The following LCORL variants were observed in gnomAD, a reference collection of about 807,000 sequenced individuals.
LCORL encodes ligand dependent nuclear receptor corepressor like, also known as ligand-dependent nuclear receptor corepressor-like protein.
LCORL carries 41 observed loss-of-function variants against 141.8 expected under a neutral mutation model. The ratio of observed to expected loss-of-function variants is 0.29; its 90% confidence interval spans 0.23 to 0.38. LCORL has a LOEUF of 0.38. Ranked by LOEUF, LCORL falls within the 10% of genes least tolerant of loss-of-function variation. The pLI is 1.00. For missense variants in LCORL, 1,759 were observed against 2,035.0 expected (o/e 0.86, Z 2.61); for synonymous variants, 618 against 694.1 (o/e 0.89, Z 1.72).
chr4:17,964,777 T>C (rs777105985), intron 2 of LCORL, among the ~76,000 whole-genome samples: 21 of 152,152 alleles, frequency 1.4e-4, no homozygotes, highest in South Asian at 2.1e-4. Flanking sequence ...GCAAAAGATT[T>C]TGGAGTTGTT....
intron 5 of LCORL, among the ~76,000 whole-genome samples, chr4:17,886,557 T>C (rs866200600): frequency 2.6e-5 from 4 of 152,020 alleles, no homozygotes; most frequent in African/African-American, 7.2e-5. Flanking sequence ...ATGGAGAGAA[T>C]AGAAAATGTG....
chr4:18,017,849 A>G (rs144345370), intron 1 of LCORL, among the ~76,000 whole-genome samples: 3 of 152,274 alleles, frequency 2.0e-5, no homozygotes, highest in East Asian at 1.9e-4. Flanking sequence ...TGGTTTTAAT[A>G]ACCTCACTGT....
intron 4 of LCORL, among the ~76,000 whole-genome samples, chr4:17,949,738 T>A (rs1739431242): frequency 6.6e-6 from 1 of 152,130 alleles, no homozygotes; most frequent in African/African-American, 2.4e-5. Context: ...TAACAAACAA[T>A]CACACTGTAT....
exon 7 of LCORL, chr4:17,874,817 T>C: frequency 1.6e-6 from 2 of 1,233,788 alleles, no homozygotes; most frequent in Non-Finnish European, 2.0e-6. Context: ...TCCGCGAAAG[T>C]CTGTTTCTTG....
intron 4 of LCORL, among the ~76,000 whole-genome samples, chr4:17,958,479 T>C (rs1300589494): frequency 6.6e-6 from 1 of 151,914 alleles, no homozygotes; most frequent in African/African-American, 2.4e-5. Flanking sequence ...TTCAGGTGAT[T>C]AGAGAATCTG....
chr4:17,878,424 A>C lies in LCORL; in HGVS notation c.777-211T>G, dbSNP rs567103758. 2.0e-5 allele frequency among the ~76,000 whole-genome samples: 3 copies of C among 151,654 alleles called. No individual in the cohort carries two copies. The East Asian group carries it at 5.8e-4, about 29-fold the overall frequency. On this transcript the variant is annotated intron_variant, in intron 6 of 7. Coordinates refer to ENST00000635767, the Ensembl canonical transcript of LCORL. ...CTATGACAAAGTATAAGTCAAAGCA[A>C]AGCCCTATTTTTGCAATATAAAAGC...
At chr4:17,938,410 T>A (rs1252209708) in intron 4 of LCORL, among the ~76,000 whole-genome samples, 2 of 145,724 alleles carry the variant, frequency 1.4e-5, no homozygotes, top group African/African-American at 2.7e-5. Context: ...TTTGTAACTG[T>A]TTCTTTCTTT....
chr4:17,869,920 C>A (rs1024409318), intron 7 of LCORL, among the ~76,000 whole-genome samples: 1 of 152,114 alleles, frequency 6.6e-6, no homozygotes, highest in African/African-American at 2.4e-5. Flanking sequence ...TTCTTCTAAT[C>A]TTTAAGACAT....
intron 4 of LCORL, among the ~76,000 whole-genome samples, chr4:17,950,738 G>C (rs1273839394): frequency 1.3e-5 from 2 of 151,782 alleles, no homozygotes; most frequent in African/African-American, 4.8e-5. Context: ...CTTTCCACTT[G>C]ATGTTCATCA....
Position 17,865,335 on chromosome 4 carries a change from T to C in LCORL, c.5602+8053A>G, listed in dbSNP as rs186317977. ...ATTAGAAATCAGTACCAGAAATATATCTGAAAAATCCCTAAATATTTGGAA... is the reference window on the plus strand; with the variant it reads ...ATTAGAAATCAGTACCAGAAATATACCTGAAAAATCCCTAAATATTTGGAA... On this transcript the variant is annotated intron_variant, in intron 7 of 7. Transcript: ENST00000635767. 5.1e-3 allele frequency among the ~76,000 whole-genome samples: 775 copies of C among 152,206 alleles called. 2 individuals are homozygous for C. The highest frequency in any genetic ancestry group is 8.5e-3 in the Non-Finnish European group (578 of 68,008).
At chr4:17,967,289 G>A (rs933869502) in intron 2 of LCORL, among the ~76,000 whole-genome samples, 3 of 152,224 alleles carry the variant, frequency 2.0e-5, no homozygotes, top group Admixed American at 1.3e-4. Context: ...TTTAGAAGAC[G>A]GTTTTTGGCA....
chr4:17,854,108 G>C (rs1307539452), intron 7 of LCORL, among the ~76,000 whole-genome samples: 1 of 152,114 alleles, frequency 6.6e-6, no homozygotes, highest in Non-Finnish European at 1.5e-5. Context: ...TTAGGGATAA[G>C]GATGTTGGTA....
intron 4 of LCORL, among the ~76,000 whole-genome samples, chr4:17,943,018 G>A (rs1160188413): frequency 6.6e-6 from 1 of 152,168 alleles, no homozygotes; most frequent in Non-Finnish European, 1.5e-5. Context: ...AGGTGTAACA[G>A]TTTTATCCCG....
chr4:17,911,278 CAAATGGCAAATAAGT>C (rs59847579), intron 4 of LCORL, among the ~76,000 whole-genome samples: 5,073 of 151,896 alleles, frequency 0.033, 277 homozygotes, highest in African/African-American at 0.12. Context: ...TTTAAATCAC[CAAATGGCAAATAAGT>C]AAAAGTACGA....
chr4:18,007,581 C>T (rs1353387415), intron 1 of LCORL, among the ~76,000 whole-genome samples: 1 of 152,120 alleles, frequency 6.6e-6, no homozygotes, highest in Non-Finnish European at 1.5e-5. Flanking sequence ...ATCTAATACA[C>T]CTGAGTCTCC....
chr4:17,871,230 C>A (rs758338879), intron 7 of LCORL, among the ~76,000 whole-genome samples: 42 of 150,762 alleles, frequency 2.8e-4, no homozygotes, highest in Non-Finnish European at 1.3e-4. Context: ...AAATAATGTC[C>A]TTGTTGATTG....
chr4:18,002,391 G>A (rs13116230), intron 1 of LCORL, among the ~76,000 whole-genome samples: 30,880 of 150,708 alleles, frequency 0.2, 3,992 homozygotes, highest in African/African-American at 0.36. Flanking sequence ...CACCACTCCC[G>A]CCTCTCACAA....
At chr4:17,905,900 A>C (rs1360882547) in intron 5 of LCORL, among the ~76,000 whole-genome samples, 1 of 152,182 alleles carries the variant, frequency 6.6e-6, no homozygotes, top group Non-Finnish European at 1.5e-5. Flanking sequence ...CATTGACTAT[A>C]CTATGAAGTA....
chr4:17,873,509 A>T (rs1196329892), exon 7 of LCORL: 5 of 1,233,814 alleles, frequency 4.1e-6, no homozygotes, highest in Non-Finnish European at 5.1e-6. Flanking sequence ...AATTGCTAAG[A>T]ACTTCAAAAC....
Sources: gnomAD v4.1 joint callset for allele counts (sites outside exome capture counted in the v4.1 genomes callset) on GRCh38, gnomAD v4.1.1 for gene constraint, MANE v1.5 for transcripts, NCBI Gene and HGNC (gene_info 2026-07-23, HGNC 2026-07-21) for gene names.